TEAD1: variants seen among roughly 807,000 people sequenced by gnomAD.
TEAD1 encodes the protein transcriptional enhancer factor TEF-1.
In TEAD1, 9 loss-of-function variants were observed where a neutral mutation model predicts 54.9. The ratio of observed to expected loss-of-function variants is 0.16; its 90% CI spans 0.10 to 0.29. The LOEUF (loss-of-function observed/expected upper bound fraction) is 0.29, where lower values mean the gene tolerates loss of function less well. Among genes scored for constraint, TEAD1 ranks in the 10% least tolerant of loss-of-function variants. The pLI, the probability that TEAD1 is intolerant of heterozygous loss-of-function variation, is 1.00. For synonymous variants in TEAD1, 200 were observed against 187.8 expected (o/e 1.07, Z -0.53); for missense variants, 387 against 535.9 (o/e 0.72, Z 2.74).
intron 2 of TEAD1, among the ~76,000 whole-genome samples, chr11:12,697,897 C>T (rs979469887): frequency 6.6e-6 from 1 of 152,052 alleles, no homozygotes; most frequent in East Asian, 1.9e-4. Flanking sequence ...GTGGCAGGCA[C>T]CTATAATCCC....
chr11:12,828,692 T>A (rs1190454317), intron 3 of TEAD1, among the ~76,000 whole-genome samples: 8 of 136,206 alleles, frequency 5.9e-5, no homozygotes, highest in South Asian at 2.3e-4. Context: ...TTTTTTTTTT[T>A]AAATGGTACC....
chr11:12,702,612 G>T (rs930727000), intron 2 of TEAD1, among the ~76,000 whole-genome samples: 15 of 152,226 alleles, frequency 9.9e-5, no homozygotes, highest in African/African-American at 3.4e-4. Flanking sequence ...CAGCAGCACT[G>T]CCTTTCTTCA....
chr11:12,818,993 T>G (rs1946473868), intron 3 of TEAD1, among the ~76,000 whole-genome samples: 1 of 152,210 alleles, frequency 6.6e-6, no homozygotes, highest in South Asian at 2.1e-4. Context: ...ATATATTCAA[T>G]TCCTTATTTT....
intron 2 of TEAD1, among the ~76,000 whole-genome samples, chr11:12,685,774 T>C (rs2133817233): frequency 6.6e-6 from 1 of 152,200 alleles, no homozygotes; most frequent in East Asian, 1.9e-4. Context: ...AGTAACTAAG[T>C]CATAAAGGAT....
intron 10 of TEAD1, among the ~76,000 whole-genome samples, chr11:12,916,057 C>T (rs1044173761): frequency 6.6e-5 from 10 of 152,004 alleles, no homozygotes; most frequent in South Asian, 6.2e-4. Context: ...TCATTGAAAC[C>T]GGCTTCTGCT....
intron 3 of TEAD1, among the ~76,000 whole-genome samples, chr11:12,821,502 C>T (rs930130880): frequency 1.3e-4 from 20 of 152,132 alleles, no homozygotes; most frequent in South Asian, 2.1e-4. Context: ...CCTTTGTCAG[C>T]GCTTAGTTTC....
At chr11:12,775,850 A>C (rs1945405653) in intron 3 of TEAD1, among the ~76,000 whole-genome samples, 1 of 152,214 alleles carries the variant, frequency 6.6e-6, no homozygotes, top group Non-Finnish European at 1.5e-5. Context: ...AATTGTGTCA[A>C]GTTTATTTTT....
intron 3 of TEAD1, among the ~76,000 whole-genome samples, chr11:12,809,351 G>A (rs114580636): frequency 0.023 from 3,534 of 152,252 alleles, 144 homozygotes; most frequent in African/African-American, 0.081. Context: ...GAGGCATATT[G>A]CATTTGAAAG....
At position 12,846,339 on chromosome 11, in the gene TEAD1, G is replaced by A. The variant is rs1419223378; in HGVS notation, c.203-15911G>A. 2.0e-5 allele frequency among the ~76,000 whole-genome samples: 3 copies of A among 147,890 alleles called. No homozygotes were observed. The East Asian group carries it at 6.2e-4, about 30-fold the overall frequency. ...AAGGCTTAAAATAGATTCACTCATAGCATTTAAATAGAGGGCATCTTGCTT... is the reference window on the plus strand; with the variant it reads ...AAGGCTTAAAATAGATTCACTCATAACATTTAAATAGAGGGCATCTTGCTT... On this transcript the variant is annotated intron_variant, in intron 3 of 12. Coordinates refer to ENST00000527636, the MANE Select transcript of TEAD1 (RefSeq NM_021961.6).
chr11:12,688,819 A>C (rs1387796617), intron 2 of TEAD1, among the ~76,000 whole-genome samples: 1 of 151,832 alleles, frequency 6.6e-6, no homozygotes, highest in African/African-American at 2.4e-5. Context: ...GGTTCCCCCA[A>C]CCCATTGAGA....
Position 12,879,638 on chromosome 11 carries a change from C to T in TEAD1, c.331-70C>T, listed in dbSNP as rs764487345. ...TGTATTTTAGTCCATGTGCTCGTGG[C>T]TGTGCCTGTGTAACCTGCCTGGTAG... is the stretch of plus-strand genomic sequence containing the variant. On this transcript the variant is annotated intron_variant, in intron 5 of 12. Coordinates refer to ENST00000527636, the MANE Select transcript of TEAD1 (RefSeq NM_021961.6). 2.5e-6 allele frequency: 4 copies of T among 1,600,774 alleles called. No homozygotes were observed. In the Admixed American group the frequency reaches 6.7e-5, roughly 27 times the overall value.
chr11:12,822,736 A>T (rs981034227), intron 3 of TEAD1: 1 of 152,172 alleles, frequency 6.6e-6, no homozygotes, highest in Admixed American at 6.5e-5. Flanking sequence ...CTGCTAAAGG[A>T]CCTTCAGTTT....
intron 3 of TEAD1, among the ~76,000 whole-genome samples, chr11:12,831,758 G>C (rs925082850): frequency 8.0e-5 from 12 of 149,832 alleles, no homozygotes; most frequent in Admixed American, 2.0e-4. Flanking sequence ...CTCTAGCCTG[G>C]TGACAGAGTG....
intron 9 of TEAD1, among the ~76,000 whole-genome samples, chr11:12,894,392 A>G (rs1470007398): frequency 1.3e-5 from 2 of 152,070 alleles, no homozygotes; most frequent in African/African-American, 4.8e-5. Context: ...CAATACATCT[A>G]GATTCAATAC....
intron 3 of TEAD1, among the ~76,000 whole-genome samples, chr11:12,820,489 C>G (rs754501193): frequency 4.6e-5 from 7 of 152,174 alleles, no homozygotes; most frequent in African/African-American, 1.7e-4. Context: ...TTAGGAGTTA[C>G]AGGTCAGACA....
At chr11:12,691,098 A>G (rs1943448443) in intron 2 of TEAD1, among the ~76,000 whole-genome samples, 1 of 152,216 alleles carries the variant, frequency 6.6e-6, no homozygotes, top group Non-Finnish European at 1.5e-5. Flanking sequence ...TATATGGTTA[A>G]CCTAGCATAT....
intron 2 of TEAD1, among the ~76,000 whole-genome samples, chr11:12,696,180 C>G (rs1564909836): frequency 6.6e-6 from 1 of 152,162 alleles, no homozygotes; most frequent in Non-Finnish European, 1.5e-5. Context: ...CATTCAGTGG[C>G]TGTCATGTAC....
At chr11:12,892,156 T>G (rs1378313921) in intron 9 of TEAD1, among the ~76,000 whole-genome samples, 1 of 152,196 alleles carries the variant, frequency 6.6e-6, no homozygotes, top group Non-Finnish European at 1.5e-5. Flanking sequence ...TAATTTCACA[T>G]TTTTATACTT....
chr11:12,744,232 T>C (rs1944702877), intron 2 of TEAD1, among the ~76,000 whole-genome samples: 1 of 152,234 alleles, frequency 6.6e-6, no homozygotes, highest in Non-Finnish European at 1.5e-5. Flanking sequence ...GCACAGCCTC[T>C]GTCTTCATGA....
Sources: gnomAD v4.1 joint callset for allele counts (sites outside exome capture counted in the v4.1 genomes callset) on GRCh38, gnomAD v4.1.1 for gene constraint, MANE v1.5 for transcripts, NCBI Gene and HGNC (gene_info 2026-07-23, HGNC 2026-07-21) for gene names.